ADGB: variants seen among roughly 807,000 people sequenced by gnomAD.
ADGB encodes calpain-7-like protein.
ADGB carries 172 observed loss-of-function variants against 210.5 expected under a neutral mutation model. That is an observed-to-expected ratio of 0.82 (90% CI 0.72 to 0.93). ADGB has a LOEUF of 0.93. Among genes scored for constraint, ADGB ranks in the 40% least tolerant of loss-of-function variants. The pLI is 0.00. For missense variants in ADGB, 2,025 were observed against 1,964.8 expected (o/e 1.03, Z -0.58); for synonymous variants, 658 against 662.7 (o/e 0.99, Z 0.11).
chr6:146,714,197 C>T (rs1310117795), intron 13 of ADGB, among the ~76,000 whole-genome samples: 1 of 152,150 alleles, frequency 6.6e-6, no homozygotes, highest in Non-Finnish European at 1.5e-5. Flanking sequence ...CAAAGAGTTG[C>T]TGATTAGAAG....
rs369635691 is a variant in ADGB at position 146,724,314 on chromosome 6, C to T, written c.2224C>T (p.Arg742Cys). The T allele has an allele frequency of 3.8e-5, 59 of 1,539,360 alleles. No homozygotes were observed. In the African/African-American group the frequency reaches 7.0e-4, roughly 18 times the overall value. ...ATATGCTACCAAGGCTACAGTGGTTCGTCTGCCTGTTGGGTATGAAGTGGC... is the reference window on the plus strand; with the variant it reads ...ATATGCTACCAAGGCTACAGTGGTTTGTCTGCCTGTTGGGTATGAAGTGGC... ...HTYATKATVV[R>C]LPVGRHMLLF... The change falls in exon 18 of 36, where the codon CGT becomes TGT. Residue 742 changes from arginine to cysteine, a missense_variant. Transcript: ENST00000397944.
chr6:146,729,998 G>A (rs1776956023), intron 20 of ADGB, among the ~76,000 whole-genome samples: 1 of 152,158 alleles, frequency 6.6e-6, no homozygotes, highest in African/African-American at 2.4e-5. Context: ...TGCCCCTGCA[G>A]GGAGGGGTAG....
At chr6:146,772,009 A>G (rs1366079360) in intron 29 of ADGB, among the ~76,000 whole-genome samples, 1 of 152,134 alleles carries the variant, frequency 6.6e-6, no homozygotes, top group Non-Finnish European at 1.5e-5. Flanking sequence ...TGATTTCTGT[A>G]TTATAATAGC....
intron 27 of ADGB, among the ~76,000 whole-genome samples, chr6:146,758,368 G>A (rs1289440731): frequency 6.6e-6 from 1 of 151,946 alleles, no homozygotes; most frequent in African/African-American, 2.4e-5. Flanking sequence ...TGCTATTTAT[G>A]ACCTCATGCT....
chr6:146,728,439 C>A, intron 19 of ADGB, 135 bp from the exon 20 acceptor site: 1 of 943,230 alleles, frequency 1.1e-6, no homozygotes, highest in Non-Finnish European at 1.5e-6. Context: ...AGTAAAGCTA[C>A]CTTGATATCA....
rs559761347 is a variant in ADGB at position 146,661,832 on chromosome 6, G to A, written c.613-2369G>A. On this transcript the variant is annotated intron_variant, in intron 5 of 35. Transcript: ENST00000397944. The stretch of plus-strand genomic sequence containing the variant: ...TTATCTTTCCTTTATCTGAGAATGT[G>A]TTTATTTTACTCTTATTCCTAAAGA... Among the ~76,000 whole-genome samples, 5 of 152,046 alleles carry A rather than the reference G, an allele frequency of 3.3e-5. No homozygotes were observed. The East Asian group carries it at 5.8e-4, about 18-fold the overall frequency.
rs1389559472 is a variant in ADGB, at chr6:146,813,933, A to G, written c.4819-1099A>G. Among the ~76,000 whole-genome samples the G allele has an allele frequency of 2.0e-5, 3 of 152,308 alleles. No homozygotes were observed. The South Asian group carries it at 6.2e-4, about 32-fold the overall frequency. On this transcript the variant is annotated intron_variant, in intron 35 of 35. Coordinates refer to ENST00000397944, the MANE Select transcript of ADGB (RefSeq NM_024694.4). ...AACGTGAACATTTTTATCAGATAGG[A>G]GAATGAATGTTTTATACTCATTCCT...
At position 146,811,917 on chromosome 6, in the gene ADGB, G is replaced by A. The variant is rs189985858; in HGVS notation, c.4819-3115G>A. ...TCTCGAACTCCTGACCTCATGATCC[G>A]CCTGCCTTGGCCTCCCAAAGTGCTG... On this transcript the variant is annotated intron_variant, in intron 35 of 35. Coordinates refer to ENST00000397944, the MANE Select transcript of ADGB (RefSeq NM_024694.4). Among the ~76,000 whole-genome samples, 691 of 152,062 alleles carry A rather than the reference G, an allele frequency of 4.5e-3. 11 individuals are homozygous for A. The South Asian group carries it at 0.047, about 10-fold the overall frequency.
chr6:146,812,688 G>T (rs538773170), intron 35 of ADGB, among the ~76,000 whole-genome samples: 1 of 152,320 alleles, frequency 6.6e-6, no homozygotes, highest in East Asian at 1.9e-4. Context: ...TATCGACATT[G>T]TCAGCGTGAA....
rs763381399 is a variant in ADGB, at chr6:146,815,107, C to T, written c.4894C>T (p.His1632Tyr). The T allele has an allele frequency of 1.0e-5, 16 of 1,548,476 alleles. No homozygotes were observed. The highest frequency in any genetic ancestry group is 8.3e-5 in the African/African-American group (6 of 72,544). The change falls in exon 36 of 36, where the codon CAC (histidine) becomes TAC (tyrosine). Residue 1632 changes from histidine to tyrosine, a missense_variant. Transcript: ENST00000397944. Reference protein sequence around the residue: ...EYRNKLLEAEHLKLETLAAQE... With the variant: ...EYRNKLLEAEYLKLETLAAQE... ...CAGAAACAAATTGCTGGAAGCTGAG[C>T]ACCTAAAGCTGGAAACTCTGGCTGC...
intron 9 of ADGB, 43 bp downstream of exon 9, chr6:146,676,484 T>C (rs1583585588): frequency 7.9e-7 from 1 of 1,272,198 alleles, no homozygotes; most frequent in African/African-American, 1.6e-5. Flanking sequence ...TTTAGTTGTT[T>C]CTTAAAATGC....
chr6:146,691,055 T>C (rs9403804), intron 10 of ADGB, 61 bp from the exon 11 acceptor site: 278,337 of 1,391,144 alleles, frequency 0.2, 29,426 homozygotes, highest in Admixed American at 0.28. Context: ...TATTTTTACA[T>C]TGGAAAAAGC....
chr6:146,633,838 G>T (rs558815889), intron 1 of ADGB, among the ~76,000 whole-genome samples: 9 of 152,048 alleles, frequency 5.9e-5, no homozygotes, highest in African/African-American at 2.2e-4. Context: ...TATGAGAGTG[G>T]TCATCTAGTA....
At chr6:146,723,896 C>T (rs900835797) in intron 17 of ADGB, among the ~76,000 whole-genome samples, 7 of 151,928 alleles carry the variant, frequency 4.6e-5, no homozygotes, top group East Asian at 1.9e-4. Flanking sequence ...ATAATAAAAG[C>T]GATGCTATAC....
At chr6:146,788,688 A>G (rs1202629315) in intron 33 of ADGB, 78 bp downstream of exon 33, 19 of 1,231,064 alleles carry the variant, frequency 1.5e-5, no homozygotes, top group Admixed American at 8.0e-5. Context: ...CTTAAACATC[A>G]GTGACGGCTA....
intron 33 of ADGB, among the ~76,000 whole-genome samples, chr6:146,797,636 G>A (rs1262450724): frequency 2.0e-5 from 3 of 152,140 alleles, no homozygotes; most frequent in Non-Finnish European, 4.4e-5. Context: ...TGCAGTTGGA[G>A]ACCACATTCA....
chr6:146,623,966 C>T (rs1390552508), intron 1 of ADGB, among the ~76,000 whole-genome samples: 1 of 151,778 alleles, frequency 6.6e-6, no homozygotes, highest in Admixed American at 6.6e-5. Flanking sequence ...AGTATTTGAT[C>T]TGCTTTATTT....
chr6:146,812,367 A>T (rs1156484119), intron 35 of ADGB, among the ~76,000 whole-genome samples: 2 of 152,264 alleles, frequency 1.3e-5, no homozygotes, highest in Non-Finnish European at 2.9e-5. Context: ...AAAAAAAAAT[A>T]CATAAAACAC....
intron 20 of ADGB, among the ~76,000 whole-genome samples, chr6:146,732,601 A>G: frequency 6.6e-6 from 1 of 151,924 alleles, no homozygotes; most frequent in East Asian, 1.9e-4. Context: ...TCTCCATTTT[A>G]TACTTAGATA....
Sources: gnomAD v4.1 joint callset for allele counts (sites outside exome capture counted in the v4.1 genomes callset) on GRCh38, gnomAD v4.1.1 for gene constraint, MANE v1.5 for transcripts, NCBI Gene and HGNC (gene_info 2026-07-23, HGNC 2026-07-21) for gene names.